The following MEIS2 variants were observed in gnomAD, a reference collection of about 807,000 sequenced individuals.
MEIS2 encodes Meis homeobox 2.
In MEIS2, 9 loss-of-function variants were observed where a neutral mutation model predicts 58.6. That is an observed-to-expected ratio of 0.15 (90% CI 0.09 to 0.27). The LOEUF is 0.27. Ranked by LOEUF, MEIS2 falls within the 10% of genes least tolerant of loss-of-function variation. MEIS2 has a pLI of 1.00. For synonymous variants in MEIS2, 221 were observed against 228.4 expected (o/e 0.97, Z 0.29); for missense variants, 427 against 635.0 (o/e 0.67, Z 3.52).
chr15:36,904,824 G>A (rs894282678), intron 9 of MEIS2, among the ~76,000 whole-genome samples: 3 of 152,024 alleles, frequency 2.0e-5, no homozygotes, highest in South Asian at 2.1e-4. Flanking sequence ...AGTAACTTAC[G>A]AAGGAGAAAA....
intron 7 of MEIS2, among the ~76,000 whole-genome samples, chr15:37,037,338 G>C (rs1481658496): frequency 6.6e-6 from 1 of 152,186 alleles, no homozygotes; most frequent in African/African-American, 2.4e-5. Flanking sequence ...TAAATGTTCT[G>C]TAGTCTATAT....
intron 9 of MEIS2, among the ~76,000 whole-genome samples, chr15:36,915,074 C>G (rs1199804549): frequency 6.6e-6 from 1 of 152,134 alleles, no homozygotes; most frequent in Non-Finnish European, 1.5e-5. Flanking sequence ...CAGCAACAGG[C>G]CTTCAGCTTC....
At chr15:36,955,471 T>C (rs770199386) in intron 8 of MEIS2, among the ~76,000 whole-genome samples, 5 of 152,194 alleles carry the variant, frequency 3.3e-5, no homozygotes, top group Admixed American at 6.5e-5. Context: ...AAATTAGACA[T>C]AAGTTCTCAT....
intron 8 of MEIS2, among the ~76,000 whole-genome samples, chr15:36,979,421 G>A (rs2059860472): frequency 6.6e-6 from 1 of 152,054 alleles, no homozygotes; most frequent in Admixed American, 6.6e-5. Context: ...ATATGAAAGT[G>A]TCCCTCTCCA....
At chr15:36,994,635 A>G (rs533671912) in intron 8 of MEIS2, among the ~76,000 whole-genome samples, 1 of 152,360 alleles carries the variant, frequency 6.6e-6, no homozygotes, top group African/African-American at 2.4e-5. Context: ...ATATTATATC[A>G]AAAATCCTAT....
At chr15:37,020,980 A>T (rs2061507067) in intron 8 of MEIS2, among the ~76,000 whole-genome samples, 3 of 152,116 alleles carry the variant, frequency 2.0e-5, no homozygotes, top group African/African-American at 4.8e-5. Context: ...GTCAGAGGAA[A>T]TGTTATGCAG....
chr15:37,049,161 A>G (rs2062802664), intron 7 of MEIS2, among the ~76,000 whole-genome samples: 1 of 152,218 alleles, frequency 6.6e-6, no homozygotes, highest in Non-Finnish European at 1.5e-5. Flanking sequence ...CATACACATA[A>G]TAGCCCTAGA....
intron 9 of MEIS2, among the ~76,000 whole-genome samples, chr15:36,913,719 C>T (rs2057146697): frequency 6.6e-6 from 1 of 150,406 alleles, no homozygotes; most frequent in Admixed American, 6.6e-5. Context: ...CTTGACTTCA[C>T]ACACTCAGGG....
chr15:36,911,765 A>G (rs549319675), intron 9 of MEIS2, among the ~76,000 whole-genome samples: 2 of 152,292 alleles, frequency 1.3e-5, no homozygotes, highest in South Asian at 4.1e-4. Context: ...AAATGACTCA[A>G]TTGTTGGGCT....
chr15:37,057,915 A>G (rs1422632900), intron 7 of MEIS2, among the ~76,000 whole-genome samples: 2 of 152,188 alleles, frequency 1.3e-5, no homozygotes, highest in African/African-American at 2.4e-5. Flanking sequence ...GAGTGTAACC[A>G]TATATAAATG....
At chr15:37,062,114 T>C (rs1889296900) in intron 7 of MEIS2, among the ~76,000 whole-genome samples, 1 of 152,248 alleles carries the variant, frequency 6.6e-6, no homozygotes, top group South Asian at 2.1e-4. Context: ...ACTCAAGAAC[T>C]TTCCACAGAT....
intron 8 of MEIS2, among the ~76,000 whole-genome samples, chr15:36,969,629 C>G (rs1265440318): frequency 2.0e-5 from 3 of 152,122 alleles, no homozygotes; most frequent in Non-Finnish European, 4.4e-5. Context: ...TAAGAATCAA[C>G]TTTTCTGACT....
intron 7 of MEIS2, among the ~76,000 whole-genome samples, chr15:37,077,686 A>T (rs547248005): frequency 1.3e-5 from 2 of 152,106 alleles, no homozygotes; most frequent in South Asian, 2.1e-4. Flanking sequence ...TGGCACACAC[A>T]TTTGTGGACC....
intron 9 of MEIS2, among the ~76,000 whole-genome samples, chr15:36,941,724 C>T (rs904534863): frequency 5.9e-5 from 9 of 152,108 alleles, no homozygotes; most frequent in African/African-American, 1.9e-4. Context: ...CTATCAATCA[C>T]GGAAAAAGGA....
At chr15:37,029,709 C>CA (rs2141706991) in intron 8 of MEIS2, among the ~76,000 whole-genome samples, 1 of 152,280 alleles carries the variant, frequency 6.6e-6, no homozygotes, top group Admixed American at 6.5e-5. Context: ...TTACAGTTTA[C>CA]AAATTGACTG....
intron 8 of MEIS2, among the ~76,000 whole-genome samples, chr15:37,035,155 C>T (rs543504567): frequency 2.0e-5 from 3 of 152,258 alleles, no homozygotes; most frequent in East Asian, 3.9e-4. Context: ...GCCTGTCATC[C>T]GCAGCTACAC....
At chr15:36,992,859 G>A (rs1051772136) in intron 8 of MEIS2, among the ~76,000 whole-genome samples, 1 of 152,132 alleles carries the variant, frequency 6.6e-6, no homozygotes, top group Non-Finnish European at 1.5e-5. Context: ...ATTTTGCCTT[G>A]AGATATTTAG....
chr15:36,939,884 T>C (rs900346266), intron 9 of MEIS2, among the ~76,000 whole-genome samples: 12 of 152,146 alleles, frequency 7.9e-5, no homozygotes, highest in Admixed American at 7.2e-4. Flanking sequence ...TTACTTAGGG[T>C]ATGGGACGGG....
intron 8 of MEIS2, among the ~76,000 whole-genome samples, chr15:36,993,038 A>T (rs2060353435): frequency 1.3e-5 from 2 of 152,202 alleles, no homozygotes; most frequent in Admixed American, 1.3e-4. Flanking sequence ...CTTTTAAATT[A>T]TCTGTAGCTG....
Sources: gnomAD v4.1 joint callset for allele counts (sites outside exome capture counted in the v4.1 genomes callset) on GRCh38, gnomAD v4.1.1 for gene constraint, MANE v1.5 for transcripts, NCBI Gene and HGNC (gene_info 2026-07-23, HGNC 2026-07-21) for gene names.